The following ATRNL1 variants were observed in gnomAD, a reference collection of about 807,000 sequenced individuals.
ATRNL1 encodes the protein attractin-like protein 1.
In ATRNL1, 95 loss-of-function variants were observed where a neutral mutation model predicts 182.7. The ratio of observed to expected loss-of-function variants is 0.52; its 90% confidence interval spans 0.44 to 0.62. The LOEUF (loss-of-function observed/expected upper bound fraction) is 0.62, where lower values mean the gene tolerates loss of function less well. Ranked by LOEUF, ATRNL1 falls within the 20% of genes least tolerant of loss-of-function variation. ATRNL1 has a pLI of 0.00. For missense variants in ATRNL1, 1,471 were observed against 1,679.5 expected, an observed-to-expected ratio of 0.88 and a Z score of 2.17; for synonymous variants, 576 against 568.3, an observed-to-expected ratio of 1.01 and a Z score of -0.19.
chr10:115,922,956 T>C (rs782546788), intron 28 of ATRNL1, among the ~76,000 whole-genome samples: 13 of 152,180 alleles, frequency 8.5e-5, no homozygotes. Flanking sequence ...TCTCTTCCTA[T>C]TCCTAAGATA....
At chr10:115,304,982 A>G (rs375045536) in intron 17 of ATRNL1, among the ~76,000 whole-genome samples, 6 of 151,864 alleles carry the variant, frequency 4.0e-5, no homozygotes, top group African/African-American at 1.5e-4. Flanking sequence ...TTTTTTCTCT[A>G]TCTGCCTAAA....
chr10:115,160,594 G>A (rs75675031), intron 6 of ATRNL1, among the ~76,000 whole-genome samples: 3,776 of 151,600 alleles, frequency 0.025, 159 homozygotes, highest in African/African-American at 0.086. Context: ...GTAAATTTTA[G>A]TGTACCTGAA....
At position 115,732,939 on chromosome 10, in the gene ATRNL1, C is replaced by A. The variant is rs188982971; in HGVS notation, c.3903+5584C>A. Among the ~76,000 whole-genome samples the A allele has an allele frequency of 3.4e-3, 513 of 152,214 alleles. 1 individual carries two copies. Among genetic ancestry groups the A allele is most frequent in the Middle Eastern group, 6.8e-3 (2 of 294 alleles). The stretch of plus-strand genomic sequence containing the variant: ...AAAGTTATAGGCTGTCTTAGTATAT[C>A]AGAGAATTCCAGCAGTTATCCATTG... On this transcript the variant is annotated intron_variant, in intron 27 of 28. Coordinates refer to ENST00000355044, the MANE Select transcript of ATRNL1 (RefSeq NM_207303.4).
chr10:115,407,169 T>C (rs977103092), intron 20 of ATRNL1, among the ~76,000 whole-genome samples: 9 of 152,166 alleles, frequency 5.9e-5, no homozygotes, highest in Admixed American at 2.0e-4. Flanking sequence ...GATGTTTCAG[T>C]ACATGCAGTG....
intron 27 of ATRNL1, among the ~76,000 whole-genome samples, chr10:115,738,129 T>TTTTTTTGTTTTTTTTG (rs1555066564): frequency 1.1e-3 from 49 of 44,164 alleles, no homozygotes; most frequent in African/African-American, 3.8e-3. Context: ...GATAATGATT[T>TTTTTTTGTTTTTTTTG]TTTTTTTTTT....
In ATRNL1 at chr10:115,160,197, T is replaced by G. The variant is rs1554882953; in HGVS notation, c.987T>G (p.Ser329=). The change falls in exon 6 of 29, where the codon TCT becomes TCG. Residue 329 remains serine, a synonymous_variant. Coordinates refer to ENST00000355044, the MANE Select transcript of ATRNL1 (RefSeq NM_207303.4). The part of the protein sequence containing the change: ...VIGGYTFNYS[S]FQMVLNYNLE... ...GTGGATATACTTTTAACTACAGTTC[T>G]TTTCAAATGGTCCTAAAGTAAGTAT... 19 of 1,610,984 alleles carry G rather than the reference T, an allele frequency of 1.2e-5. No individual in the cohort carries two copies. The highest frequency in any genetic ancestry group is 1.6e-5 in the Non-Finnish European group (19 of 1,178,146).
At chr10:115,762,459 T>C (rs1948757084) in intron 27 of ATRNL1, among the ~76,000 whole-genome samples, 1 of 152,156 alleles carries the variant, frequency 6.6e-6, no homozygotes, top group African/African-American at 2.4e-5. Context: ...AATTCATTGA[T>C]GGAACCAGTC....
intron 21 of ATRNL1, among the ~76,000 whole-genome samples, chr10:115,451,318 A>G (rs1847269482): frequency 6.6e-6 from 1 of 152,100 alleles, no homozygotes; most frequent in African/African-American, 2.4e-5. Context: ...ATCAACAGAA[A>G]CTATCAACTA....
chr10:115,409,126 T>G (rs7093931), intron 20 of ATRNL1, among the ~76,000 whole-genome samples: 2,079 of 152,294 alleles, frequency 0.014, 50 homozygotes, highest in African/African-American at 0.046. Flanking sequence ...ATTGGTAGTT[T>G]GAAAGGAATT....
chr10:115,478,095 C>A (rs1434274248), intron 24 of ATRNL1, among the ~76,000 whole-genome samples: 1 of 151,664 alleles, frequency 6.6e-6, no homozygotes, highest in Non-Finnish European at 1.5e-5. Flanking sequence ...CACAGTCTTT[C>A]CATTTCTTCC....
intron 25 of ATRNL1, among the ~76,000 whole-genome samples, chr10:115,543,796 G>A (rs1408798322): frequency 1.8e-4 from 27 of 152,050 alleles, no homozygotes; most frequent in Non-Finnish European, 7.4e-5. Context: ...ACCATTTTAT[G>A]AATAATAAAA....
rs1328720174 is a variant in ATRNL1, at chr10:115,935,250, C to A, written c.4019-9408C>A. On this transcript the variant is annotated intron_variant, in intron 28 of 28. Coordinates refer to ENST00000355044, the MANE Select transcript of ATRNL1 (RefSeq NM_207303.4). ...CCTCAATACATGTTTCTCAATTTAA[C>A]CTGTATTGTCATCCACTCCTAACTG... Among the ~76,000 whole-genome samples the A allele has an allele frequency of 2.0e-5, 3 of 152,154 alleles. No individual in the cohort carries two copies. The East Asian group carries it at 5.8e-4, about 29-fold the overall frequency.
At chr10:115,192,395 G>A (rs782096996) in intron 8 of ATRNL1, among the ~76,000 whole-genome samples, 18 of 151,922 alleles carry the variant, frequency 1.2e-4, no homozygotes, top group Non-Finnish European at 2.4e-4. Context: ...TGTAAAAAAC[G>A]AGTTGACTGT....
intron 8 of ATRNL1, among the ~76,000 whole-genome samples, chr10:115,214,066 A>ACC (rs1359436612): frequency 1.1e-4 from 17 of 151,732 alleles, no homozygotes; most frequent in Middle Eastern, 3.4e-3. Context: ...ACACACACAC[A>ACC]CATATATATA....
intron 27 of ATRNL1, among the ~76,000 whole-genome samples, chr10:115,826,725 A>C (rs1555092110): frequency 5.9e-5 from 9 of 152,174 alleles, no homozygotes; most frequent in Non-Finnish European, 1.2e-4. Flanking sequence ...GCCATCTGTG[A>C]AGCTGAGTCC....
intron 1 of ATRNL1, among the ~76,000 whole-genome samples, chr10:115,101,798 C>T (rs1554864647): frequency 6.6e-6 from 1 of 152,116 alleles, no homozygotes; most frequent in East Asian, 1.9e-4. Flanking sequence ...TGGTGGAATT[C>T]ACCATCGACA....
intron 18 of ATRNL1, among the ~76,000 whole-genome samples, chr10:115,320,468 A>G (rs782646241): frequency 2.0e-5 from 3 of 152,094 alleles, no homozygotes; most frequent in Non-Finnish European, 4.4e-5. Context: ...GTTCTCCTGG[A>G]TAATATTCTG....
chr10:115,183,243 A>G (rs1847814986), intron 8 of ATRNL1, among the ~76,000 whole-genome samples: 1 of 151,498 alleles, frequency 6.6e-6, no homozygotes, highest in African/African-American at 2.4e-5. Context: ...AAGTATATTT[A>G]TAACATTAAA....
At chr10:115,738,319 T>C (rs1019656904) in intron 27 of ATRNL1, among the ~76,000 whole-genome samples, 1 of 151,422 alleles carries the variant, frequency 6.6e-6, no homozygotes, top group East Asian at 2.0e-4. Context: ...TTTATATGTT[T>C]AGTAGAGACA....
Sources: gnomAD v4.1 joint callset for allele counts (sites outside exome capture counted in the v4.1 genomes callset) on GRCh38, gnomAD v4.1.1 for gene constraint, MANE v1.5 for transcripts, NCBI Gene and HGNC (gene_info 2026-07-23, HGNC 2026-07-21) for gene names.